Variants in CSNK1E observed in about 807,000 individuals in gnomAD.
CSNK1E encodes the protein casein kinase 1 epsilon.
CSNK1E carries 17 observed loss-of-function variants against 46.1 expected under a neutral mutation model. That is an observed-to-expected ratio of 0.37 (90% CI 0.25 to 0.55). CSNK1E has a LOEUF of 0.55. Among genes scored for constraint, CSNK1E ranks in the 20% least tolerant of loss-of-function variants. The pLI, the probability that CSNK1E is intolerant of heterozygous loss-of-function variation, is 0.82. For missense variants in CSNK1E, 386 were observed against 595.4 expected (o/e 0.65, Z 3.66); for synonymous variants, 241 against 242.6 (o/e 0.99, Z 0.06).
chr22:38,297,154 G>A (rs565515483), intron 7 of CSNK1E: 21 of 778,828 alleles, frequency 2.7e-5, no homozygotes, highest in Admixed American at 6.8e-5. Flanking sequence ...GACAGTGTCC[G>A]TCTAGAGAAT....
rs187363071 is a variant in CSNK1E, at chr22:38,313,634, C to T, written c.76+448G>A. ...CCCGAGGTTACAGGGGAGCCTGCGT[C>T]ATCCCAAAGCCTGCCTGGGCTGGGT... On this transcript the variant is annotated intron_variant, in intron 2 of 10. Transcript: ENST00000396832. Among the ~76,000 whole-genome samples the T allele has an allele frequency of 7.1e-4, 108 of 152,340 alleles. 1 individual carries two copies. Among genetic ancestry groups the T allele is most frequent in the African/African-American group, 2.5e-3 (102 of 41,582 alleles).
At chr22:38,314,299 T>A (rs2092734075) in intron 1 of CSNK1E, 130 bp from the exon 2 acceptor site, 1 of 673,616 alleles carries the variant, frequency 1.5e-6, no homozygotes, top group Admixed American at 2.2e-5. Flanking sequence ...TCTGCAGGTG[T>A]CAGGTGGCCC....
At chr22:38,305,819 C>CAGGTGGTG (rs1243364787) in intron 2 of CSNK1E, among the ~76,000 whole-genome samples, 1 of 152,070 alleles carries the variant, frequency 6.6e-6, no homozygotes, top group East Asian at 1.9e-4. Context: ...GCACTCCTCC[C>CAGGTGGTG]AGGTGGTGGA....
chr22:38,315,760 T>A (rs949024254), intron 1 of CSNK1E, among the ~76,000 whole-genome samples: 16 of 151,142 alleles, frequency 1.1e-4, no homozygotes, highest in Admixed American at 1.1e-3. Flanking sequence ...TATACCCGCA[T>A]CCTATATTAC....
intron 2 of CSNK1E, among the ~76,000 whole-genome samples, chr22:38,306,942 AG>A (rs1472179593): frequency 1.3e-5 from 2 of 152,206 alleles, no homozygotes; most frequent in Non-Finnish European, 2.9e-5. Context: ...TGGGAGGCTG[AG>A]GAGGATTACT....
chr22:38,305,182 T>A (rs1179856049), intron 2 of CSNK1E, among the ~76,000 whole-genome samples: 1 of 133,884 alleles, frequency 7.5e-6, no homozygotes, highest in Non-Finnish European at 1.6e-5. Flanking sequence ...TGTTTCCATA[T>A]CAAAACAGGC....
In CSNK1E at chr22:38,315,152, C is replaced by T. The variant is rs561319074; in HGVS notation, c.-12-983G>A. Among the ~76,000 whole-genome samples, 13 of 152,330 alleles carry T rather than the reference C, an allele frequency of 8.5e-5. No homozygotes were observed. The East Asian group carries it at 1.2e-3, about 14-fold the overall frequency. ...CACCCTGCAGATGGTACAGCCTCGC[C>T]GAGGACAGGGCTCCGGCTGTCCCAC... On this transcript the variant is annotated intron_variant, in intron 1 of 10. Coordinates refer to ENST00000396832, the MANE Select transcript of CSNK1E (RefSeq NM_152221.3).
At chr22:38,308,685 C>T (rs1367620644) in intron 2 of CSNK1E, among the ~76,000 whole-genome samples, 8 of 152,008 alleles carry the variant, frequency 5.3e-5, no homozygotes, top group African/African-American at 9.7e-5. Flanking sequence ...AGAGATGAGC[C>T]GGTGTCCACC....
At chr22:38,310,614 T>A (rs1462524212) in intron 2 of CSNK1E, among the ~76,000 whole-genome samples, 1 of 152,032 alleles carries the variant, frequency 6.6e-6, no homozygotes, top group Non-Finnish European at 1.5e-5. Context: ...CTCTAAGAGG[T>A]CTAGAGAGTT....
At chr22:38,296,084 G>A in intron 7 of CSNK1E, 7 of 856,568 alleles carry the variant, frequency 8.2e-6, no homozygotes, top group Non-Finnish European at 8.4e-6. Flanking sequence ...GCCAAGCAGA[G>A]GGCTGGAGCC....
At chr22:38,307,293 C>T (rs1022453848) in intron 2 of CSNK1E, among the ~76,000 whole-genome samples, 1 of 151,852 alleles carries the variant, frequency 6.6e-6, no homozygotes, top group African/African-American at 2.4e-5. Context: ...TGGAGAAGGC[C>T]AGGTGCCAGC....
At chr22:38,302,819 C>T in intron 4 of CSNK1E, 42 bp downstream of exon 4, 1 of 1,609,504 alleles carries the variant, frequency 6.2e-7, no homozygotes, top group Non-Finnish European at 8.5e-7. Context: ...GTATCCTGGG[C>T]CCACAGGCAT....
At chr22:38,293,398 G>A (rs2145825483) in intron 9 of CSNK1E, 79 bp from the exon 10 acceptor site, 2 of 904,980 alleles carry the variant, frequency 2.2e-6, no homozygotes, top group Non-Finnish European at 3.5e-6. Flanking sequence ...TTAGCCGCTG[G>A]CGATAGAGAT....
rs1489690087 is a variant in CSNK1E at position 38,300,170 on chromosome 22, C to T, written c.566-105G>A. On this transcript the variant is annotated intron_variant, in intron 5 of 10. Coordinates refer to ENST00000396832, the MANE Select transcript of CSNK1E (RefSeq NM_152221.3). This position sits in a 1 kb window ranked among gnomAD's most constrained non-coding sequence, Gnocchi z 4.4. The stretch of plus-strand genomic sequence containing the variant: ...CAATGCACCAGGACCCTCCTGCCCC[C>T]ACGTCGGATGTTGCTCACTGCACGC... 3.7e-6 allele frequency: 4 copies of T among 1,084,970 alleles called. No individual in the cohort carries two copies. The South Asian group carries it at 4.6e-5, about 13-fold the overall frequency. 67.2% of individuals were successfully genotyped at this position (1,084,970 alleles called of 1,614,324 possible).
intron 2 of CSNK1E, 70 bp downstream of exon 2, chr22:38,314,012 C>T: frequency 8.7e-6 from 12 of 1,385,944 alleles, no homozygotes; most frequent in Non-Finnish European, 7.2e-6. Context: ...TCCCCAAATC[C>T]TGGGGTCTTT....
Position 38,303,378 on chromosome 22 carries a change from G to C in CSNK1E, c.77-130C>G, listed in dbSNP as rs2092683759. On this transcript the variant is annotated intron_variant, in intron 2 of 10. Transcript: ENST00000396832. This position sits in a 1 kb window ranked among gnomAD's most constrained non-coding sequence, Gnocchi z 4.7. ...GCCATCTGCCCTTGAGGAGCTCTTG[G>C]GGGAGGCTGGGAAGGGGGCAAAGGA... 2 of 754,864 alleles carry C rather than the reference G, an allele frequency of 2.6e-6. No individual in the cohort carries two copies. The highest frequency in any genetic ancestry group is 1.8e-5 in the South Asian group (1 of 54,120). The allele number at this position is 754,864 out of a possible 1,614,324, so 46.8% of individuals were successfully genotyped here.
In CSNK1E at chr22:38,294,703, A is replaced by G. The variant is rs1203022911; in HGVS notation, c.886-169T>C. On this transcript the variant is annotated intron_variant, in intron 7 of 10. Transcript: ENST00000396832. The surrounding 1 kb of genome is among the most constrained non-coding windows in gnomAD (Gnocchi z 5.5). ...AAGCCAAGACCCACAATCACACAGC[A>G]CAGAGACACGAAGCCACACAACCAC... is the stretch of plus-strand genomic sequence containing the variant. Among the ~76,000 whole-genome samples the G allele has an allele frequency of 6.6e-6, 1 of 152,160 alleles. No individual in the cohort carries two copies. The highest frequency in any genetic ancestry group is 6.5e-5 in the Admixed American group (1 of 15,284).
intron 1 of CSNK1E, among the ~76,000 whole-genome samples, chr22:38,314,804 C>G (rs1224895338): frequency 6.6e-6 from 1 of 152,166 alleles, no homozygotes; most frequent in African/African-American, 2.4e-5. Context: ...CCGCCTGCCC[C>G]GGATGGGTGG....
chr22:38,310,220 G>A (rs767554759), intron 2 of CSNK1E, among the ~76,000 whole-genome samples: 2 of 152,184 alleles, frequency 1.3e-5, no homozygotes, highest in Admixed American at 6.5e-5. Context: ...AGAACTGCCC[G>A]ATTTCAGGAA....
Sources: gnomAD v4.1 joint callset for allele counts (sites outside exome capture counted in the v4.1 genomes callset) on GRCh38, gnomAD v4.1.1 for gene constraint, Gnocchi (gnomAD v3.1) non-coding constraint, MANE v1.5 for transcripts, NCBI Gene and HGNC (gene_info 2026-07-23, HGNC 2026-07-21) for gene names.